Variants in DAPK2 observed in about 807,000 individuals in gnomAD.
The protein encoded by DAPK2 is death-associated protein kinase 2.
DAPK2 carries 35 observed loss-of-function variants against 44.1 expected under a neutral mutation model. The observed-to-expected ratio is 0.79, with a 90% CI of 0.61 to 1.05. The LOEUF is 1.05. DAPK2 is among the 50% of genes least tolerant of loss of function. The pLI is 0.00. For synonymous variants in DAPK2, 174 were observed against 182.6 expected, an observed-to-expected ratio of 0.95 and a Z score of 0.38; for missense variants, 453 against 483.2, an observed-to-expected ratio of 0.94 and a Z score of 0.59.
At chr15:64,039,278 C>G (rs401090) in intron 1 of DAPK2, among the ~76,000 whole-genome samples, 41,636 of 152,162 alleles carry the variant, frequency 0.27, 5,820 homozygotes, top group South Asian at 0.34. Flanking sequence ...AGGGGTGAGG[C>G]TAGGTGCTCT....
At chr15:63,929,866 T>C (rs2079473024) in intron 5 of DAPK2, 2 of 576,870 alleles carry the variant, frequency 3.5e-6, no homozygotes, top group African/African-American at 1.8e-5. Flanking sequence ...TCGGAGCCCT[T>C]CCCCCCTTGT....
chr15:63,963,012 C>T (rs2077954344), intron 3 of DAPK2, among the ~76,000 whole-genome samples: 1 of 151,840 alleles, frequency 6.6e-6, no homozygotes, highest in South Asian at 2.1e-4. Context: ...CTTTGAACTT[C>T]CCGGCCACTT....
intron 10 of DAPK2, chr15:63,911,618 C>G (rs1172760570): frequency 2.2e-6 from 1 of 454,098 alleles, no homozygotes; most frequent in Non-Finnish European, 4.0e-6. Context: ...TGTCTGTGGT[C>G]AGCCGGCAGC....
At chr15:63,958,625 T>G (rs866199437) in intron 3 of DAPK2, among the ~76,000 whole-genome samples, 41 of 152,308 alleles carry the variant, frequency 2.7e-4, no homozygotes, top group African/African-American at 8.9e-4. Context: ...TTTCCCCATT[T>G]CTTGTTTTTG....
intron 1 of DAPK2, among the ~76,000 whole-genome samples, chr15:64,045,642 A>G (rs1347263081): frequency 6.6e-6 from 1 of 152,168 alleles, no homozygotes; most frequent in Non-Finnish European, 1.5e-5. Flanking sequence ...ACCAATTTCC[A>G]CCGTGCAGAG....
intron 2 of DAPK2, among the ~76,000 whole-genome samples, chr15:63,974,649 A>C (rs1312366238): frequency 2.0e-5 from 3 of 152,208 alleles, no homozygotes; most frequent in Non-Finnish European, 4.4e-5. Flanking sequence ...AATGTTTACT[A>C]TTCATATTCT....
At chr15:64,012,259 A>T (rs1567272640) in intron 1 of DAPK2, among the ~76,000 whole-genome samples, 1 of 152,248 alleles carries the variant, frequency 6.6e-6, no homozygotes, top group Non-Finnish European at 1.5e-5. Context: ...CCACTGATTT[A>T]TCAAACATTC....
chr15:63,969,738 TA>T (rs751047275), intron 3 of DAPK2, among the ~76,000 whole-genome samples: 26 of 100,198 alleles, frequency 2.6e-4, no homozygotes, highest in Non-Finnish European at 4.7e-4. Flanking sequence ...AGACTATCTC[TA>T]TTAAAAAAAA....
chr15:64,013,299 G>C lies in DAPK2; in HGVS notation c.92+26871C>G, dbSNP rs142368290. Among the ~76,000 whole-genome samples, 492 of 152,316 alleles carry C rather than the reference G, an allele frequency of 3.2e-3. 1 individual carries two copies. Among genetic ancestry groups the C allele is most frequent in the Admixed American group, 6.1e-3 (93 of 15,296 alleles). Reference sequence around the variant, plus strand: ...ATCTTTATACAAGGGTTAAGATCTTGTTCTTCATTACTGAGATTTTAAGCT... The same window carrying C: ...ATCTTTATACAAGGGTTAAGATCTTCTTCTTCATTACTGAGATTTTAAGCT... On this transcript the variant is annotated intron_variant, in intron 1 of 10. Coordinates refer to ENST00000261891, the Ensembl canonical transcript of DAPK2. This position sits in a 1 kb window ranked among gnomAD's most constrained non-coding sequence, Gnocchi z 4.7.
At chr15:64,041,240 C>T (rs1740341320), upstream of DAPK2, among the ~76,000 whole-genome samples, 1 of 152,140 alleles carries the variant, frequency 6.6e-6, no homozygotes, top group South Asian at 2.1e-4. Context: ...AGTCAGGAGC[C>T]TGAGGTGCTA....
intron 1 of DAPK2, among the ~76,000 whole-genome samples, chr15:64,027,532 A>G (rs1240198507): frequency 6.6e-6 from 1 of 152,196 alleles, no homozygotes; most frequent in Non-Finnish European, 1.5e-5. Flanking sequence ...ACTGCCCTCC[A>G]GCCTGGGTGA....
chr15:64,037,446 C>T (rs1394917641), intron 1 of DAPK2, among the ~76,000 whole-genome samples: 1 of 152,238 alleles, frequency 6.6e-6, no homozygotes, highest in Non-Finnish European at 1.5e-5. Context: ...ATCCTTTTCT[C>T]TCATTTCTTA....
chr15:63,920,148 T>C (rs2079032158), intron 8 of DAPK2: 1 of 152,312 alleles, frequency 6.6e-6, no homozygotes, highest in African/African-American at 2.4e-5. Context: ...AGGCAGGTGC[T>C]CCGGGAGAGG....
intron 2 of DAPK2, 56 bp from the exon 4 acceptor site, chr15:63,971,617 A>C: frequency 6.3e-7 from 1 of 1,591,466 alleles, no homozygotes. Context: ...TCTGCATGTC[A>C]TGAGGCTGGG....
At chr15:63,921,377 C>T (rs1190831696) in intron 8 of DAPK2, 1 of 152,272 alleles carries the variant, frequency 6.6e-6, no homozygotes, top group Non-Finnish European at 1.5e-5. Flanking sequence ...GTTTCCTCAG[C>T]TCTAAATTGG....
At position 63,929,411 on chromosome 15, in the gene DAPK2, A is replaced by C. The variant is rs186057193; in HGVS notation, c.659+140T>G. 195 of 1,079,686 alleles carry C rather than the reference A, an allele frequency of 1.8e-4. 2 individuals are homozygous for C. In the African/African-American group the frequency reaches 2.0e-3, roughly 11 times the overall value. 66.9% of individuals were successfully genotyped at this position (1,079,686 alleles called of 1,614,324 possible). A position where few individuals can be genotyped will look rare whatever the true frequency, so the allele number is the denominator to read the frequency against. ...AAATGGACCTACAGCACTTAGCCTC[A>C]GGCTTGCTGTGTGGACTTAACACAT... On this transcript the variant is annotated intron_variant, in intron 6 of 10. Coordinates refer to ENST00000261891, the Ensembl canonical transcript of DAPK2.
In DAPK2 at chr15:64,013,372, G is replaced by A. The variant is rs541802674; in HGVS notation, c.92+26798C>T. 6.6e-6 allele frequency among the ~76,000 whole-genome samples: 1 copy of A among 152,348 alleles called. No homozygotes were observed. Among genetic ancestry groups the A allele is most frequent in the Admixed American group, 6.5e-5 (1 of 15,312 alleles). On this transcript the variant is annotated intron_variant, in intron 1 of 10. Coordinates refer to ENST00000261891, the Ensembl canonical transcript of DAPK2. This position sits in a 1 kb window ranked among gnomAD's most constrained non-coding sequence, Gnocchi z 4.7. ...ATTAAGTGAATGTGGGCAGTCTTAAGAGGCCAGGAACTAACAGCTTAAACT... is the reference window on the plus strand; with the variant it reads ...ATTAAGTGAATGTGGGCAGTCTTAAAAGGCCAGGAACTAACAGCTTAAACT...
intron 2 of DAPK2, among the ~76,000 whole-genome samples, chr15:63,983,115 T>C (rs575037329): frequency 7.2e-5 from 11 of 152,284 alleles, no homozygotes; most frequent in African/African-American, 2.4e-4. Flanking sequence ...AGCCCAGAGA[T>C]GTTTGTACTT....
upstream of DAPK2, among the ~76,000 whole-genome samples, chr15:64,044,638 T>C (rs1348165660): frequency 2.0e-5 from 3 of 152,108 alleles, no homozygotes; most frequent in African/African-American, 7.2e-5. Flanking sequence ...GTCACCAGGG[T>C]TGGCAAAGTC....
Sources: gnomAD v4.1 joint callset for allele counts (sites outside exome capture counted in the v4.1 genomes callset) on GRCh38, gnomAD v4.1.1 for gene constraint, Gnocchi (gnomAD v3.1) non-coding constraint, MANE v1.5 for transcripts, NCBI Gene and HGNC (gene_info 2026-07-23, HGNC 2026-07-21) for gene names.